HOXD13: variants seen among roughly 807,000 people sequenced by gnomAD.
HOXD13 encodes the protein homeobox D13.
Under a neutral mutation model 27.3 loss-of-function variants are expected in HOXD13, and 16 were observed. The ratio of observed to expected loss-of-function variants is 0.59; its 90% confidence interval spans 0.40 to 0.89. The LOEUF (loss-of-function observed/expected upper bound fraction) is 0.89, where lower values mean the gene tolerates loss of function less well. HOXD13 is among the 40% of genes least tolerant of loss of function. HOXD13 has a pLI of 0.00. For missense variants in HOXD13, 481 were observed against 482.6 expected (o/e 1.00, Z 0.03); for synonymous variants, 241 against 219.0 (o/e 1.10, Z -0.89).
At chr2:176,089,111 G>A (rs1474764443), upstream of HOXD13, among the ~76,000 whole-genome samples, 1 of 152,176 alleles carries the variant, frequency 6.6e-6, no homozygotes, top group Non-Finnish European at 1.5e-5. Flanking sequence ...AAACCCAAAC[G>A]GAATATGTCT....
Position 176,092,908 on chromosome 2 carries a change from C to T in HOXD13, c.18C>T (p.Ser6=), listed in dbSNP as rs1230891787. MSRAG[S]WDMDGLRADG... ...GCCGGGCCATGAGCCGCGCCGGGAG[C>T]TGGGACATGGACGGGCTGCGGGCAG... Residue 6 remains serine, a synonymous_variant, in exon 1 of 2, where the codon AGC becomes AGT. Coordinates refer to ENST00000392539, the MANE Select transcript of HOXD13 (RefSeq NM_000523.4). 1.3e-5 allele frequency: 17 copies of T among 1,302,134 alleles called. 1 individual carries two copies. Among genetic ancestry groups the T allele is most frequent in the East Asian group, 9.8e-5 (3 of 30,636 alleles). The allele number at this position is 1,302,134 out of a possible 1,614,324, so 80.7% of individuals were successfully genotyped here.
rs544065459 is a variant in HOXD13, at chr2:176,093,628, G to A, written c.738G>A (p.Lys246=). Residue 246 remains lysine, a synonymous_variant, in exon 1 of 2, where the codon AAG becomes AAA. Coordinates refer to ENST00000392539, the MANE Select transcript of HOXD13 (RefSeq NM_000523.4). ...GGAACAGCCAGGTGTACTGCACCAA[G>A]GACCAGCCACAGGGGTCCCACTTTT... The part of the protein sequence containing the change: ...NGWNSQVYCT[K]DQPQGSHFWK... 6.2e-7 allele frequency: 1 copy of A among 1,609,368 alleles called. No homozygotes were observed. The highest frequency in any genetic ancestry group is 8.5e-7 in the Non-Finnish European group (1 of 1,176,644).
At chr2:176,091,824 T>C (rs971515833), upstream of HOXD13, among the ~76,000 whole-genome samples, 1 of 151,660 alleles carries the variant, frequency 6.6e-6, no homozygotes. Context: ...GGTCGGCTGC[T>C]GGAGAGACAC....
Position 176,095,386 on chromosome 2 carries a change from A to G in HOXD13, c.*656A>G. 4.4e-6 allele frequency: 1 copy of G among 229,020 alleles called. No homozygotes were observed. The highest frequency in any genetic ancestry group is 8.7e-6 in the Non-Finnish European group (1 of 115,216). 14.2% of individuals were successfully genotyped at this position (229,020 alleles called of 1,614,324 possible). A position where few individuals can be genotyped will look rare whatever the true frequency, so the allele number is the denominator to read the frequency against. On this transcript the variant is annotated 3_prime_UTR_variant, in exon 2 of 2. Coordinates refer to ENST00000392539, the MANE Select transcript of HOXD13 (RefSeq NM_000523.4). ...TTTGGGTGTTTCACTTGCTGTTTTA[A>G]TTGTTTGTTTTTAACACTTTGTAGG...
At chr2:176,088,621 T>G (rs914084327), upstream of HOXD13, among the ~76,000 whole-genome samples, 1 of 152,038 alleles carries the variant, frequency 6.6e-6, no homozygotes, top group African/African-American at 2.4e-5. Context: ...GTAAGGACAA[T>G]GTGGATTCCC....
upstream of HOXD13, among the ~76,000 whole-genome samples, chr2:176,088,929 A>T (rs1342490901): frequency 6.6e-6 from 1 of 152,098 alleles, no homozygotes; most frequent in African/African-American, 2.4e-5. Flanking sequence ...AAGAATCCTC[A>T]CTGTGTTTAA....
intron 1 of HOXD13, 39 bp downstream of exon 1, chr2:176,093,710 G>C: frequency 7.3e-7 from 1 of 1,367,904 alleles, no homozygotes; most frequent in Non-Finnish European, 1.0e-6. Context: ...ACGAGGGAGG[G>C]GGAGAGAGAA....
upstream of HOXD13, among the ~76,000 whole-genome samples, chr2:176,091,824 T>A (rs971515833): frequency 4.6e-5 from 7 of 151,660 alleles, no homozygotes; most frequent in Admixed American, 1.3e-4. Context: ...GGTCGGCTGC[T>A]GGAGAGACAC....
At position 176,093,124 on chromosome 2, in the gene HOXD13, G is replaced by C; in HGVS notation, c.234G>C (p.Gly78=). 1 of 1,602,440 alleles carries C rather than the reference G, an allele frequency of 6.2e-7. No individual in the cohort carries two copies. The highest frequency in any genetic ancestry group is 8.5e-7 in the Non-Finnish European group (1 of 1,178,522). Residue 78 remains glycine (G), a synonymous_variant, in exon 1 of 2, where the codon GGG becomes GGC. Coordinates refer to ENST00000392539, the MANE Select transcript of HOXD13 (RefSeq NM_000523.4). The part of the protein sequence containing the change: ...AAAASGFAYP[G]TSERTGSSSS... ...CAGCCTCCGGCTTTGCGTACCCCGG[G>C]ACCTCTGAGCGCACGGGCTCTTCCT...
Position 176,095,382 on chromosome 2 carries a change from TTTAA to T in HOXD13, c.*655_*658del. On this transcript the variant is annotated 3_prime_UTR_variant, in exon 2 of 2. Coordinates refer to ENST00000392539, the MANE Select transcript of HOXD13 (RefSeq NM_000523.4). The stretch of plus-strand genomic sequence containing the variant: ...CAACTTTGGGTGTTTCACTTGCTGT[TTTAA>T]TTGTTTGTTTTTAACACTTTGTAGG... 4.4e-6 allele frequency: 1 copy of T among 228,866 alleles called. No homozygotes were observed. The highest frequency in any genetic ancestry group is 6.3e-5 in the East Asian group (1 of 15,940). The allele number at this position is 228,866 out of a possible 1,614,324, so 14.2% of individuals were successfully genotyped here. A position where few individuals can be genotyped will look rare whatever the true frequency, so the allele number is the denominator to read the frequency against.
chr2:176,088,017 C>A (rs1238741932), upstream of HOXD13, among the ~76,000 whole-genome samples: 2 of 152,278 alleles, frequency 1.3e-5, no homozygotes, highest in Non-Finnish European at 2.9e-5. Context: ...TGCAGCGAAG[C>A]CCCGCGTCTG....
At chr2:176,093,806 G>C in intron 1 of HOXD13, 135 bp downstream of exon 1, 1 of 624,870 alleles carries the variant, frequency 1.6e-6, no homozygotes, top group Non-Finnish European at 2.8e-6. Context: ...GGTTAACCCA[G>C]TGGAAATTTG....
upstream of HOXD13, among the ~76,000 whole-genome samples, chr2:176,089,576 A>G (rs1689291876): frequency 6.6e-6 from 1 of 152,240 alleles, no homozygotes; most frequent in African/African-American, 2.4e-5. Context: ...ACTTCAATAA[A>G]TCTAAATCAC....
Position 176,095,694 on chromosome 2 carries a change from A to G in HOXD13, c.*964A>G, listed in dbSNP as rs902723364. The stretch of plus-strand genomic sequence containing the variant: ...GACTGTCTAAACAAGGGGGCCTCGC[A>G]TGGAGCTGTAAAGCATCTAACAAAT... On this transcript the variant is annotated 3_prime_UTR_variant, in exon 2 of 2. Coordinates refer to ENST00000392539, the MANE Select transcript of HOXD13 (RefSeq NM_000523.4). The G allele has an allele frequency of 1.3e-5, 3 of 226,958 alleles. No individual in the cohort carries two copies. Among genetic ancestry groups the G allele is most frequent in the African/African-American group, 6.7e-5 (3 of 44,960 alleles). 14.1% of individuals were successfully genotyped at this position (226,958 alleles called of 1,614,324 possible).
rs770519205 is a variant in HOXD13 at position 176,094,519 on chromosome 2, G to A, written c.821G>A (p.Arg274Gln). 4.3e-6 allele frequency: 7 copies of A among 1,613,894 alleles called. No homozygotes were observed. The highest frequency in any genetic ancestry group is 1.1e-5 in the South Asian group (1 of 91,066). Reference protein sequence around the residue: ...ALNQPDMCVYRRGRKKRVPYT... With the variant: ...ALNQPDMCVYQRGRKKRVPYT... ...AATCAGCCGGACATGTGCGTCTACC[G>A]AAGAGGGAGGAAGAAGAGAGTGCCT... The change falls in exon 2 of 2, where the codon CGA becomes CAA. Residue 274 changes from arginine (R) to glutamine (Q), a missense_variant. Arg to Gln is a conservative substitution (Grantham distance 43). Transcript: ENST00000392539.
At position 176,092,873 on chromosome 2, in the gene HOXD13, G is replaced by A. The variant is rs994560399; in HGVS notation, c.-18G>A. The A allele has an allele frequency of 1.6e-6, 2 of 1,227,902 alleles. No individual in the cohort carries two copies. The highest frequency in any genetic ancestry group is 1.6e-5 in the African/African-American group (1 of 63,370). 76.1% of individuals were successfully genotyped at this position (1,227,902 alleles called of 1,614,324 possible). On this transcript the variant is annotated 5_prime_UTR_variant, in exon 1 of 2. Coordinates refer to ENST00000392539, the MANE Select transcript of HOXD13 (RefSeq NM_000523.4). ...GCGCGGGGCCAGGGCCAGGGCCGGG[G>A]CCGGGCCAGGCCGGGCCATGAGCCG...
At chr2:176,093,938 C>G (rs1017041563) in intron 1 of HOXD13, among the ~76,000 whole-genome samples, 1 of 152,206 alleles carries the variant, frequency 6.6e-6, no homozygotes, top group African/African-American at 2.4e-5. Context: ...TCTGCGTGCC[C>G]TTTCCTTGGG....
upstream of HOXD13, among the ~76,000 whole-genome samples, chr2:176,090,170 G>A (rs899495972): frequency 1.3e-5 from 2 of 152,250 alleles, no homozygotes; most frequent in Non-Finnish European, 1.5e-5. Flanking sequence ...AGCCCAAGTG[G>A]ACAAAGTCAG....
At position 176,092,863 on chromosome 2, in the gene HOXD13, C is replaced by A; in HGVS notation, c.-28C>A. 1 of 1,213,854 alleles carries A rather than the reference C, an allele frequency of 8.2e-7. No individual in the cohort carries two copies. The highest frequency in any genetic ancestry group is 1.0e-6 in the Non-Finnish European group (1 of 976,106). 75.2% of individuals were successfully genotyped at this position (1,213,854 alleles called of 1,614,324 possible). ...ATGGTGTCCTGCGCGGGGCCAGGGC[C>A]AGGGCCGGGGCCGGGCCAGGCCGGG... On this transcript the variant is annotated 5_prime_UTR_variant, in exon 1 of 2. Transcript: ENST00000392539.
Sources: allele counts gnomAD v4.1 joint callset (sites outside exome capture counted in the v4.1 genomes callset), GRCh38; gene constraint gnomAD v4.1.1; transcripts MANE v1.5; gene names NCBI Gene and HGNC (gene_info 2026-07-23, HGNC 2026-07-21).